ABCC4: variants seen among roughly 807,000 people sequenced by gnomAD.
ABCC4 encodes ATP binding cassette subfamily C member 4 (PEL blood group).
In ABCC4, 102 loss-of-function variants were observed where a neutral mutation model predicts 168.5. That is an observed-to-expected ratio of 0.61 (90% CI 0.52 to 0.71). The LOEUF is 0.71. Ranked by LOEUF, ABCC4 falls within the 30% of genes least tolerant of loss-of-function variation. The pLI, the probability that ABCC4 is intolerant of heterozygous loss-of-function variation, is 0.00. For synonymous variants in ABCC4, 617 were observed against 590.7 expected (o/e 1.04, Z -0.65); for missense variants, 1,402 against 1,605.8 (o/e 0.87, Z 2.17).
chr13:95,288,689 C>T (rs1399339724), intron 1 of ABCC4, among the ~76,000 whole-genome samples: 2 of 152,040 alleles, frequency 1.3e-5, no homozygotes, highest in African/African-American at 4.8e-5. Context: ...GCCTGTAATT[C>T]CAGCTACTCG....
At chr13:95,205,518 T>C (rs955114029) in intron 8 of ABCC4, among the ~76,000 whole-genome samples, 1 of 152,264 alleles carries the variant, frequency 6.6e-6, no homozygotes, top group Non-Finnish European at 1.5e-5. Flanking sequence ...TATTTTAATT[T>C]TCAACTTATT....
intron 21 of ABCC4, among the ~76,000 whole-genome samples, chr13:95,082,353 A>G (rs1253273630): frequency 6.6e-6 from 1 of 152,226 alleles, no homozygotes; most frequent in Non-Finnish European, 1.5e-5. Context: ...CTGCGATTAC[A>G]TGTGGAATAG....
intron 1 of ABCC4, among the ~76,000 whole-genome samples, chr13:95,301,005 C>T (rs1159676460): frequency 6.6e-6 from 1 of 152,062 alleles, no homozygotes; most frequent in Non-Finnish European, 1.5e-5. Flanking sequence ...AGCCACTGGC[C>T]CCGCGTCCCC....
chr13:95,154,301 A>G (rs760535489), intron 19 of ABCC4, among the ~76,000 whole-genome samples: 2 of 152,220 alleles, frequency 1.3e-5, no homozygotes, highest in East Asian at 1.9e-4. Context: ...GTTCTTTACA[A>G]TACGCATCAG....
chr13:95,074,098 A>G (rs2033817263), intron 23 of ABCC4, 116 bp downstream of exon 23: 1 of 778,990 alleles, frequency 1.3e-6, no homozygotes, highest in African/African-American at 1.8e-5. Context: ...GATTTAATAC[A>G]CTTCATTAGG....
chr13:95,282,066 ACCACTGTACTCCAGCCTGGACAACAGAG>A (rs2041138279), intron 1 of ABCC4, among the ~76,000 whole-genome samples: 1 of 151,088 alleles, frequency 6.6e-6, no homozygotes, highest in Admixed American at 6.6e-5. Flanking sequence ...CTGAGATCAC[ACCACTGTACTCCAGCCTGGACAACAGAG>A]CCACTGCACT....
chr13:95,071,691 G>A lies in ABCC4; in HGVS notation c.3181C>T (p.Leu1061=). ...TCTTGTGATTTAATGAGTGCTGTCA[G>A]ATGCTTCAGTACCAGAGGCCCACCT... The part of the protein sequence containing the change: ...SPGGPLVLKH[L]TALIKSQEKV... Residue 1061 remains leucine (L), a synonymous_variant, in exon 25 of 31, where the codon CTG becomes TTG. Transcript: ENST00000645237. The A allele has an allele frequency of 6.6e-7, 1 of 1,510,628 alleles. No homozygotes were observed. Among genetic ancestry groups the A allele is most frequent in the Non-Finnish European group, 8.8e-7 (1 of 1,131,728 alleles). The allele number at this position is 1,510,628 out of a possible 1,614,324, so 93.6% of individuals were successfully genotyped here. A position where few individuals can be genotyped will look rare whatever the true frequency, so the allele number is the denominator to read the frequency against.
intron 4 of ABCC4, among the ~76,000 whole-genome samples, chr13:95,218,961 GAA>G (rs1366017414): frequency 2.8e-5 from 1 of 36,014 alleles, no homozygotes; most frequent in African/African-American, 1.5e-4. Context: ...AAGAAAGAAA[GAA>G]AGAAAGAAAG....
At chr13:95,253,693 C>T (rs1342662620) in intron 1 of ABCC4, among the ~76,000 whole-genome samples, 2 of 151,490 alleles carry the variant, frequency 1.3e-5, no homozygotes, top group Admixed American at 1.3e-4. Context: ...TGCAGTGAGC[C>T]GAGACTGCAC....
chr13:95,267,004 G>C (rs1040615658), intron 1 of ABCC4, among the ~76,000 whole-genome samples: 1 of 151,672 alleles, frequency 6.6e-6, no homozygotes, highest in Non-Finnish European at 1.5e-5. Flanking sequence ...CAAGTAGCTG[G>C]GATTACAGGC....
chr13:95,029,978 C>G (rs2031787027), intron 30 of ABCC4, among the ~76,000 whole-genome samples: 1 of 112,074 alleles, frequency 8.9e-6, no homozygotes, highest in Admixed American at 1.0e-4. Context: ...GTCAGGACTT[C>G]TTGTCTATCT....
intron 4 of ABCC4, among the ~76,000 whole-genome samples, chr13:95,228,844 G>A (rs1170505789): frequency 6.6e-6 from 1 of 151,612 alleles, no homozygotes; most frequent in Non-Finnish European, 1.5e-5. Flanking sequence ...AGGATCCCTT[G>A]AGCCCAGGAG....
intron 25 of ABCC4, among the ~76,000 whole-genome samples, chr13:95,069,959 GCCAGGCATGGTGGCTCATGCCTGTAATC>G (rs2033671631): frequency 6.6e-6 from 1 of 152,136 alleles, no homozygotes; most frequent in Non-Finnish European, 1.5e-5. Flanking sequence ...AAAGAATCTG[GCCAGGCATGGTGGCTCATGCCTGTAATC>G]CCAGGCATGA....
chr13:95,179,714 C>T (rs1380699566), intron 11 of ABCC4, among the ~76,000 whole-genome samples: 1 of 152,260 alleles, frequency 6.6e-6, no homozygotes, highest in East Asian at 1.9e-4. Flanking sequence ...CAACCTAGGA[C>T]ACTACAGAGA....
chr13:95,222,413 C>T (rs572729320), intron 4 of ABCC4, among the ~76,000 whole-genome samples: 62 of 152,348 alleles, frequency 4.1e-4, no homozygotes, highest in African/African-American at 1.4e-3. Context: ...AAACACATCA[C>T]AGCAGCCCTG....
intron 20 of ABCC4, among the ~76,000 whole-genome samples, chr13:95,091,569 TAC>T (rs1331537365): frequency 6.6e-6 from 1 of 152,064 alleles, no homozygotes; most frequent in Non-Finnish European, 1.5e-5. Flanking sequence ...GAAAGAAAGA[TAC>T]AGTTTTTTTC....
intron 16 of ABCC4, among the ~76,000 whole-genome samples, chr13:95,163,947 A>T (rs191790172): frequency 2.6e-5 from 4 of 151,204 alleles, no homozygotes; most frequent in Admixed American, 6.6e-5. Flanking sequence ...AGGCTGAGAC[A>T]GGAGAATTGC....
chr13:95,121,646 C>T (rs1044067118), intron 19 of ABCC4, among the ~76,000 whole-genome samples: 4 of 151,972 alleles, frequency 2.6e-5, no homozygotes, highest in African/African-American at 9.7e-5. Flanking sequence ...GAGGCTCAAG[C>T]AATCTGCTCA....
intron 1 of ABCC4, among the ~76,000 whole-genome samples, chr13:95,295,344 G>A (rs2041501762): frequency 6.6e-6 from 1 of 151,678 alleles, no homozygotes; most frequent in Non-Finnish European, 1.5e-5. Context: ...AGCGAGACCT[G>A]GTCTCTACCA....
Sources: gnomAD v4.1 joint callset for allele counts (sites outside exome capture counted in the v4.1 genomes callset) on GRCh38, gnomAD v4.1.1 for gene constraint, MANE v1.5 for transcripts, NCBI Gene and HGNC (gene_info 2026-07-23, HGNC 2026-07-21) for gene names.